PPARGC1A: variants seen among roughly 807,000 people sequenced by gnomAD.
PPARGC1A encodes the protein peroxisome proliferator-activated receptor gamma coactivator 1-alpha.
In PPARGC1A, 25 loss-of-function variants were observed where a neutral mutation model predicts 88.7. The ratio of observed to expected loss-of-function variants is 0.28; its 90% CI spans 0.21 to 0.39. The LOEUF is 0.39. PPARGC1A is among the 10% of genes least tolerant of loss of function. PPARGC1A has a pLI of 1.00. For synonymous variants in PPARGC1A, 363 were observed against 355.6 expected (o/e 1.02, Z -0.24); for missense variants, 880 against 968.7 (o/e 0.91, Z 1.22).
At chr4:23,945,128 GTCTCTC>G in the PPARGC1A span, among the ~76,000 whole-genome samples, 1 of 149,870 alleles carries the variant, frequency 6.7e-6, no homozygotes, top group African/African-American at 2.4e-5. Flanking sequence ...CTCTGTCTCT[GTCTCTC>G]TCTCTCTCTC....
At chr4:23,851,010 G>T (rs1266553915) in intron 2 of PPARGC1A, among the ~76,000 whole-genome samples, 1 of 152,110 alleles carries the variant, frequency 6.6e-6, no homozygotes, top group Non-Finnish European at 1.5e-5. Flanking sequence ...TAGAAAAAAT[G>T]TCATGTGTTT....
the PPARGC1A span, among the ~76,000 whole-genome samples, chr4:23,930,999 C>T: frequency 2.0e-5 from 3 of 152,198 alleles, no homozygotes; most frequent in Non-Finnish European, 4.4e-5. Context: ...CATGCCGCCG[C>T]GTGGAGTGTC....
the PPARGC1A span, among the ~76,000 whole-genome samples, chr4:24,324,207 AACCCCTTCTCTCCTTGTCTCT>A: frequency 0.026 from 3,900 of 151,910 alleles, 167 homozygotes; most frequent in African/African-American, 0.089. Flanking sequence ...CAAGTACCCC[AACCCCTTCTCTCCTTGTCTCT>A]ACCCCTTCTC....
At chr4:24,206,648 A>G in the PPARGC1A span, among the ~76,000 whole-genome samples, 3 of 152,038 alleles carry the variant, frequency 2.0e-5, no homozygotes, top group African/African-American at 7.2e-5. Flanking sequence ...CCTGGCCAAC[A>G]TGGTGAAACT....
At chr4:24,002,402 AG>A in the PPARGC1A span, among the ~76,000 whole-genome samples, 36 of 152,148 alleles carry the variant, frequency 2.4e-4, no homozygotes, top group Non-Finnish European at 4.4e-4. Context: ...CTGGGATTAC[AG>A]GTGTGAGCCA....
the PPARGC1A span, among the ~76,000 whole-genome samples, chr4:24,045,010 C>T: frequency 6.6e-6 from 1 of 152,162 alleles, no homozygotes; most frequent in Admixed American, 6.5e-5. Flanking sequence ...GAACTACCCA[C>T]AGCCAGCAGG....
chr4:23,890,248 G>GA (rs1165392181), upstream of PPARGC1A: 20 of 426,858 alleles, frequency 4.7e-5, no homozygotes, highest in Admixed American at 1.4e-4. Flanking sequence ...AAAAAGAAAA[G>GA]AAAGAAAGAA....
At chr4:23,836,341 G>T (rs187088484) in intron 2 of PPARGC1A, among the ~76,000 whole-genome samples, 1 of 152,266 alleles carries the variant, frequency 6.6e-6, no homozygotes, top group African/African-American at 2.4e-5. Flanking sequence ...CCCATGGTGG[G>T]TGTCAACCTT....
intron 2 of PPARGC1A, among the ~76,000 whole-genome samples, chr4:23,847,760 T>C (rs1728574124): frequency 6.6e-6 from 1 of 152,216 alleles, no homozygotes. Context: ...GTTCAGTCCA[T>C]GATCTATGCA....
the PPARGC1A span, among the ~76,000 whole-genome samples, chr4:24,127,536 T>A: frequency 6.6e-6 from 1 of 152,030 alleles, no homozygotes; most frequent in Admixed American, 6.6e-5. Context: ...TATATATATA[T>A]ATACACACAC....
At chr4:23,931,219 G>A in the PPARGC1A span, among the ~76,000 whole-genome samples, 5 of 152,256 alleles carry the variant, frequency 3.3e-5, no homozygotes, top group Admixed American at 6.5e-5. Flanking sequence ...TGTGTCACGC[G>A]TTATGCCAAG....
the PPARGC1A span, among the ~76,000 whole-genome samples, chr4:24,236,523 A>C: frequency 6.6e-6 from 1 of 152,190 alleles, no homozygotes; most frequent in Admixed American, 6.5e-5. Context: ...CAGAAAAATG[A>C]AACCTCATCT....
chr4:24,375,026 A>AAAG, the PPARGC1A span, among the ~76,000 whole-genome samples: 3 of 151,804 alleles, frequency 2.0e-5, no homozygotes, highest in African/African-American at 7.3e-5. Context: ...AAAAAAAAAA[A>AAAG]AAAGAAACCT....
chr4:24,069,774 T>G, the PPARGC1A span, among the ~76,000 whole-genome samples: 1 of 152,246 alleles, frequency 6.6e-6, no homozygotes, highest in African/African-American at 2.4e-5. Flanking sequence ...GGAATTTGTA[T>G]GTATCTTCAT....
chr4:24,120,442 C>A, the PPARGC1A span, among the ~76,000 whole-genome samples: 1 of 152,100 alleles, frequency 6.6e-6, no homozygotes, highest in African/African-American at 2.4e-5. Context: ...TGATTCCTGT[C>A]CTTTACATGC....
the PPARGC1A span, among the ~76,000 whole-genome samples, chr4:24,059,680 G>A: frequency 2.0e-5 from 3 of 152,264 alleles, no homozygotes; most frequent in South Asian, 2.1e-4. Flanking sequence ...AACCCCCAAT[G>A]CAGAAGAGCA....
chr4:24,142,893 T>C, the PPARGC1A span, among the ~76,000 whole-genome samples: 1 of 150,814 alleles, frequency 6.6e-6, no homozygotes. Context: ...ACCTCTATTT[T>C]AGGCCCTGAG....
the PPARGC1A span, among the ~76,000 whole-genome samples, chr4:24,441,403 T>A: frequency 1.3e-5 from 2 of 152,222 alleles, no homozygotes; most frequent in Non-Finnish European, 2.9e-5. Context: ...TGGGAGGACA[T>A]CAGAATCAGA....
At chr4:24,157,088 T>C in the PPARGC1A span, among the ~76,000 whole-genome samples, 2 of 152,176 alleles carry the variant, frequency 1.3e-5, no homozygotes, top group African/African-American at 2.4e-5. Flanking sequence ...GGAGCAAAAA[T>C]CTCTGGGTTC....
Sources: allele counts gnomAD v4.1 joint callset (sites outside exome capture counted in the v4.1 genomes callset), GRCh38; gene constraint gnomAD v4.1.1; transcripts MANE v1.5; gene names NCBI Gene and HGNC (gene_info 2026-07-23, HGNC 2026-07-21).